Variants in SGPP2 observed in about 807,000 individuals in gnomAD.
SGPP2 encodes sphingosine 1-phosphate phosphohydrolase 2.
A neutral mutation model predicts 33.9 loss-of-function variants in SGPP2; 30 were observed. That is an observed-to-expected ratio of 0.89 (90% CI 0.66 to 1.20). SGPP2 has a LOEUF of 1.20. Among genes scored for constraint, SGPP2 ranks in the 50% most tolerant of loss-of-function variants. The pLI is 0.00. For synonymous variants in SGPP2, 233 were observed against 225.0 expected (o/e 1.04, Z -0.32); for missense variants, 458 against 532.1 (o/e 0.86, Z 1.37).
At chr2:222,466,539 T>A (rs983081848) in intron 1 of SGPP2, among the ~76,000 whole-genome samples, 7 of 152,194 alleles carry the variant, frequency 4.6e-5, no homozygotes, top group Non-Finnish European at 8.8e-5. Flanking sequence ...ATTACAGGCG[T>A]GAGCCACTGT....
chr2:222,553,554 T>C (rs1689334606), intron 4 of SGPP2, among the ~76,000 whole-genome samples: 4 of 152,164 alleles, frequency 2.6e-5, no homozygotes, highest in Admixed American at 2.6e-4. Flanking sequence ...CATAGGGCAG[T>C]ACCCTGAATC....
At chr2:222,472,311 GAGAA>G (rs1375243365) in intron 1 of SGPP2, among the ~76,000 whole-genome samples, 1 of 152,092 alleles carries the variant, frequency 6.6e-6, no homozygotes, top group African/African-American at 2.4e-5. Context: ...TATTGCAGTT[GAGAA>G]AGAGTTTAAT....
intron 2 of SGPP2, among the ~76,000 whole-genome samples, chr2:222,513,255 T>C (rs1001689496): frequency 1.1e-4 from 16 of 152,250 alleles, no homozygotes; most frequent in African/African-American, 3.6e-4. Flanking sequence ...GTAATGTTTT[T>C]AAATCTTAGA....
intron 4 of SGPP2, among the ~76,000 whole-genome samples, chr2:222,547,943 G>A (rs563297207): frequency 6.6e-6 from 1 of 152,122 alleles, no homozygotes; most frequent in Non-Finnish European, 1.5e-5. Context: ...ATTTAATGAA[G>A]GAACTAGTAA....
chr2:222,507,522 T>C (rs1698462942), intron 2 of SGPP2, among the ~76,000 whole-genome samples: 1 of 152,238 alleles, frequency 6.6e-6, no homozygotes, highest in Non-Finnish European at 1.5e-5. Context: ...AGTCTTTTCA[T>C]GGTCAGTAGG....
intron 1 of SGPP2, among the ~76,000 whole-genome samples, chr2:222,441,971 G>A (rs1248701296): frequency 1.3e-5 from 2 of 152,162 alleles, no homozygotes; most frequent in Non-Finnish European, 2.9e-5. Context: ...ACATGAAGAT[G>A]CCACATGGAA....
At chr2:222,552,381 T>A (rs1375693412) in intron 4 of SGPP2, among the ~76,000 whole-genome samples, 1 of 152,228 alleles carries the variant, frequency 6.6e-6, no homozygotes, top group Non-Finnish European at 1.5e-5. Context: ...TATTATTTTT[T>A]AATTTTTTTA....
intron 2 of SGPP2, among the ~76,000 whole-genome samples, chr2:222,518,654 C>T (rs1298704017): frequency 6.6e-6 from 1 of 152,096 alleles, no homozygotes; most frequent in East Asian, 1.9e-4. Flanking sequence ...AGGAGGGAGG[C>T]AGAAACATAA....
chr2:222,473,093 A>C (rs567446318), intron 1 of SGPP2, among the ~76,000 whole-genome samples: 1 of 152,364 alleles, frequency 6.6e-6, no homozygotes, highest in South Asian at 2.1e-4. Flanking sequence ...CCTGGCCTAC[A>C]CCCAGGAGTG....
intron 1 of SGPP2, among the ~76,000 whole-genome samples, chr2:222,439,291 C>T (rs1011342237): frequency 4.6e-5 from 7 of 152,104 alleles, no homozygotes; most frequent in African/African-American, 9.7e-5. Flanking sequence ...GGGACCTGGC[C>T]TCCCCTTCAT....
At chr2:222,556,468 G>C (rs56353541) in intron 4 of SGPP2, among the ~76,000 whole-genome samples, 76,747 of 111,650 alleles carry the variant, frequency 0.69, 25,500 homozygotes, top group Middle Eastern at 0.81. Flanking sequence ...TCACTCCCCC[G>C]CATCCACTCT....
chr2:222,480,655 G>A (rs532381753), intron 2 of SGPP2, among the ~76,000 whole-genome samples: 1 of 152,320 alleles, frequency 6.6e-6, no homozygotes, highest in South Asian at 2.1e-4. Flanking sequence ...CAAGGCTAGT[G>A]ATACATGTTG....
chr2:222,497,341 C>T (rs1698297961), intron 2 of SGPP2, among the ~76,000 whole-genome samples: 1 of 151,420 alleles, frequency 6.6e-6, no homozygotes. Context: ...CAACCTCCGC[C>T]TCCCAGGTTC....
At chr2:222,453,067 G>T in intron 1 of SGPP2, 1 of 1,289,492 alleles carries the variant, frequency 7.8e-7, no homozygotes, top group Non-Finnish European at 1.1e-6. Context: ...GCTATTCTCT[G>T]CAGCAGTGGG....
chr2:222,462,679 A>G (rs1213682589), intron 1 of SGPP2, among the ~76,000 whole-genome samples: 2 of 152,166 alleles, frequency 1.3e-5, no homozygotes, highest in African/African-American at 4.8e-5. Flanking sequence ...ACTCACGATT[A>G]TGCATAGTAA....
At chr2:222,493,248 C>T (rs1158792508) in intron 2 of SGPP2, among the ~76,000 whole-genome samples, 3 of 152,168 alleles carry the variant, frequency 2.0e-5, no homozygotes, top group Non-Finnish European at 2.9e-5. Flanking sequence ...TTCTGCATGG[C>T]TGGGAAGGCC....
chr2:222,446,558 T>G (rs948163889), intron 1 of SGPP2, among the ~76,000 whole-genome samples: 2 of 152,236 alleles, frequency 1.3e-5, no homozygotes, highest in Non-Finnish European at 2.9e-5. Flanking sequence ...AATTTTCTAA[T>G]GTATAAGTCC....
chr2:222,534,920 T>A (rs908871163), intron 4 of SGPP2, among the ~76,000 whole-genome samples: 1 of 152,218 alleles, frequency 6.6e-6, no homozygotes, highest in African/African-American at 2.4e-5. Flanking sequence ...TAAATCACTA[T>A]TATTTAACCA....
chr2:222,471,101 A>G (rs1697832889), intron 1 of SGPP2, among the ~76,000 whole-genome samples: 1 of 152,206 alleles, frequency 6.6e-6, no homozygotes, highest in Non-Finnish European at 1.5e-5. Flanking sequence ...CTTTCAATTG[A>G]ATTCACTTGG....
Sources: allele counts gnomAD v4.1 joint callset (sites outside exome capture counted in the v4.1 genomes callset), GRCh38; gene constraint gnomAD v4.1.1; transcripts MANE v1.5; gene names NCBI Gene and HGNC (gene_info 2026-07-23, HGNC 2026-07-21).